QKI: variants seen among roughly 807,000 people sequenced by gnomAD.
The protein encoded by QKI is KH domain-containing RNA-binding protein QKI.
Under a neutral mutation model 39.0 loss-of-function variants are expected in QKI, and 10 were observed. The observed-to-expected ratio is 0.26, with a 90% CI of 0.16 to 0.43. The LOEUF is 0.43. Among genes scored for constraint, QKI ranks in the 20% least tolerant of loss-of-function variants. The pLI is 1.00. For missense variants in QKI, 218 were observed against 428.0 expected (o/e 0.51, Z 4.33); for synonymous variants, 204 against 155.4 (o/e 1.31, Z -2.33).
At chr6:163,507,072 C>G (rs1779146909) in intron 3 of QKI, among the ~76,000 whole-genome samples, 1 of 152,130 alleles carries the variant, frequency 6.6e-6, no homozygotes, top group South Asian at 2.1e-4. Flanking sequence ...GGCATTGAAG[C>G]CAGTCTCACA....
intron 3 of QKI, among the ~76,000 whole-genome samples, chr6:163,524,818 A>G (rs745655636): frequency 6.6e-6 from 1 of 152,104 alleles, no homozygotes; most frequent in Non-Finnish European, 1.5e-5. Flanking sequence ...TGTCCATACC[A>G]TATTTACATT....
intron 3 of QKI, among the ~76,000 whole-genome samples, chr6:163,514,181 A>G (rs1055627627): frequency 6.6e-6 from 1 of 152,104 alleles, no homozygotes; most frequent in Non-Finnish European, 1.5e-5. Context: ...ACTGCTGCCT[A>G]GCTTATGGCA....
chr6:163,558,392 T>C (rs1782776432), intron 4 of QKI, among the ~76,000 whole-genome samples: 1 of 151,528 alleles, frequency 6.6e-6, no homozygotes, highest in African/African-American at 2.4e-5. Context: ...TCTCTTCTTT[T>C]TTTTTCTTTT....
intron 7 of QKI, chr6:163,569,523 T>C (rs1443456958): frequency 1.6e-6 from 2 of 1,251,126 alleles, no homozygotes; most frequent in Non-Finnish European, 2.1e-6. Flanking sequence ...TTAAAAATTA[T>C]ACTACTGTTA....
chr6:163,466,827 C>T (rs1791794603), intron 2 of QKI, among the ~76,000 whole-genome samples: 1 of 152,000 alleles, frequency 6.6e-6, no homozygotes, highest in Admixed American at 6.6e-5. Flanking sequence ...AATGATTTTT[C>T]TAGATATTAC....
At chr6:163,486,041 G>T (rs1231603938) in intron 3 of QKI, among the ~76,000 whole-genome samples, 2 of 152,230 alleles carry the variant, frequency 1.3e-5, no homozygotes, top group East Asian at 3.8e-4. Flanking sequence ...CCGGGGGTTG[G>T]ACAAGCTTGG....
At chr6:163,481,334 C>T (rs1035796566) in intron 3 of QKI, among the ~76,000 whole-genome samples, 6 of 152,158 alleles carry the variant, frequency 3.9e-5, no homozygotes, top group South Asian at 4.2e-4. Flanking sequence ...CAAAATGCTA[C>T]GATGGGAATG....
intron 2 of QKI, among the ~76,000 whole-genome samples, chr6:163,459,362 G>C (rs1174127014): frequency 6.6e-6 from 1 of 152,106 alleles, no homozygotes; most frequent in Non-Finnish European, 1.5e-5. Context: ...TGGGAGAGGG[G>C]GTACTATTGG....
intron 3 of QKI, among the ~76,000 whole-genome samples, chr6:163,511,888 A>G (rs190780573): frequency 1.4e-4 from 21 of 152,224 alleles, no homozygotes; most frequent in African/African-American, 4.6e-4. Context: ...CTAAAATTCA[A>G]CAAAGATAAC....
At chr6:163,525,348 CT>C (rs1489832917) in intron 3 of QKI, among the ~76,000 whole-genome samples, 2 of 143,664 alleles carry the variant, frequency 1.4e-5, no homozygotes, top group African/African-American at 5.1e-5. Context: ...CTTCTTTCTT[CT>C]TTCCCTCCCT....
chr6:163,531,189 A>G (rs1287949182), intron 3 of QKI, among the ~76,000 whole-genome samples: 5 of 152,132 alleles, frequency 3.3e-5, no homozygotes, highest in African/African-American at 1.2e-4. Context: ...AGCGTCTTTT[A>G]TTAACTCTCT....
At chr6:163,526,185 A>C (rs1035893451) in intron 3 of QKI, among the ~76,000 whole-genome samples, 1 of 152,164 alleles carries the variant, frequency 6.6e-6, no homozygotes, top group Non-Finnish European at 1.5e-5. Flanking sequence ...TAGGACCTGG[A>C]AGGGGTATAT....
At chr6:163,418,528 T>C (rs150022697) in intron 1 of QKI, among the ~76,000 whole-genome samples, 105 of 152,220 alleles carry the variant, frequency 6.9e-4, no homozygotes, top group Non-Finnish European at 1.3e-3. Context: ...GTGTGCCAGC[T>C]CTTCCACTGA....
intron 1 of QKI, chr6:163,423,565 T>G (rs2759385): frequency 0.35 from 52,911 of 152,072 alleles, 10,037 homozygotes; most frequent in African/African-American, 0.48. Flanking sequence ...ATGCTAAAAA[T>G]CTGCTGCTGT....
Position 163,574,831 on chromosome 6 carries a change from T to C in QKI, c.*4121T>C, listed in dbSNP as rs1783895029. 1 of 152,240 alleles carries C rather than the reference T, an allele frequency of 6.6e-6. No homozygotes were observed. Among genetic ancestry groups the C allele is most frequent in the Non-Finnish European group, 1.5e-5 (1 of 68,040 alleles). The allele number at this position is 152,240 out of a possible 1,614,324, so 9.4% of individuals were successfully genotyped here. The stretch of plus-strand genomic sequence containing the variant: ...TAAATAACAATTTATCTTTGTAAAT[T>C]ACATTTTATTTATTTAGAGTTCTAA... On this transcript the variant is annotated 3_prime_UTR_variant, in exon 8 of 8. Transcript: ENST00000361752.
intron 6 of QKI, chr6:163,565,450 A>G (rs715020): frequency 0.5 from 492,177 of 985,878 alleles, 128,315 homozygotes; most frequent in East Asian, 0.72. Flanking sequence ...TCTAAAATGA[A>G]TAAGAGGTGA....
chr6:163,489,146 A>G (rs904626799), intron 3 of QKI, among the ~76,000 whole-genome samples: 8 of 149,628 alleles, frequency 5.3e-5, no homozygotes, highest in Admixed American at 5.3e-4. Context: ...TATAAAGAAT[A>G]GCCTTTATTC....
chr6:163,569,406 A>G (rs1478997157), intron 7 of QKI: 15 of 1,266,718 alleles, frequency 1.2e-5, no homozygotes, highest in Non-Finnish European at 1.5e-5. Context: ...TTTGCACTGA[A>G]TATCTTTTCA....
chr6:163,531,821 A>G (rs1232079228), intron 3 of QKI, among the ~76,000 whole-genome samples: 2 of 152,200 alleles, frequency 1.3e-5, no homozygotes, highest in African/African-American at 4.8e-5. Context: ...TGTACATTTT[A>G]AACTCTGCAG....
Sources: gnomAD v4.1 joint callset for allele counts (sites outside exome capture counted in the v4.1 genomes callset) on GRCh38, gnomAD v4.1.1 for gene constraint, MANE v1.5 for transcripts, NCBI Gene and HGNC (gene_info 2026-07-23, HGNC 2026-07-21) for gene names.